PPM1L: variants seen among roughly 807,000 people sequenced by gnomAD.
PPM1L encodes protein phosphatase, Mg2+/Mn2+ dependent 1L, also known as protein phosphatase 1L.
In PPM1L, 13 loss-of-function variants were observed where a neutral mutation model predicts 31.4. The observed-to-expected ratio is 0.41, with a 90% CI of 0.27 to 0.66. The LOEUF is 0.66. Among genes scored for constraint, PPM1L ranks in the 30% least tolerant of loss-of-function variants. PPM1L has a pLI of 0.29. For missense variants in PPM1L, 326 were observed against 453.7 expected (o/e 0.72, Z 2.56); for synonymous variants, 184 against 175.4 (o/e 1.05, Z -0.39).
intron 1 of PPM1L, among the ~76,000 whole-genome samples, chr3:160,801,637 G>T (rs1712428930): frequency 6.6e-6 from 1 of 152,216 alleles, no homozygotes; most frequent in South Asian, 2.1e-4. Context: ...GCCTGTTTAT[G>T]CTGAGATAAC....
chr3:161,064,484 A>C (rs776434923), intron 2 of PPM1L, among the ~76,000 whole-genome samples: 1 of 152,224 alleles, frequency 6.6e-6, no homozygotes, highest in Non-Finnish European at 1.5e-5. Context: ...GGAAACGTTA[A>C]TGAAGACTAA....
At chr3:160,918,443 GA>G (rs1316600061) in intron 1 of PPM1L, among the ~76,000 whole-genome samples, 1 of 152,188 alleles carries the variant, frequency 6.6e-6, no homozygotes, top group Non-Finnish European at 1.5e-5. Context: ...AATCTGTTTG[GA>G]AATTTCTATT....
At chr3:160,885,287 A>G (rs1374585259) in intron 1 of PPM1L, among the ~76,000 whole-genome samples, 2 of 152,258 alleles carry the variant, frequency 1.3e-5, no homozygotes, top group African/African-American at 4.8e-5. Flanking sequence ...AAATAGATTT[A>G]TGTAAGCAAA....
chr3:160,888,971 T>C (rs1448447328), intron 1 of PPM1L, among the ~76,000 whole-genome samples: 2 of 152,038 alleles, frequency 1.3e-5, no homozygotes, highest in East Asian at 3.9e-4. Context: ...AAAGAGACAA[T>C]GTACCAAAAT....
chr3:160,989,360 T>TA (rs1336520524), intron 2 of PPM1L, among the ~76,000 whole-genome samples: 19 of 151,976 alleles, frequency 1.3e-4, no homozygotes, highest in Admixed American at 9.2e-4. Flanking sequence ...AGCACTTTTT[T>TA]AAAAAAATAA....
chr3:161,033,776 G>T (rs1576796072), intron 2 of PPM1L, among the ~76,000 whole-genome samples: 1 of 152,116 alleles, frequency 6.6e-6, no homozygotes, highest in Admixed American at 6.5e-5. Flanking sequence ...CAGGACATAG[G>T]CATGGGCAAA....
intron 1 of PPM1L, among the ~76,000 whole-genome samples, chr3:160,898,218 G>A (rs1199762234): frequency 6.6e-6 from 1 of 152,090 alleles, no homozygotes; most frequent in Admixed American, 6.6e-5. Flanking sequence ...TAAATGAAGG[G>A]TCATTCTGGA....
chr3:160,988,455 G>A (rs765495352), intron 2 of PPM1L, among the ~76,000 whole-genome samples: 10 of 152,114 alleles, frequency 6.6e-5, no homozygotes, highest in Non-Finnish European at 1.5e-4. Flanking sequence ...CTTTTGGTCT[G>A]TCAGCCCCAG....
chr3:160,874,845 A>C (rs375106184), intron 1 of PPM1L, among the ~76,000 whole-genome samples: 15 of 152,214 alleles, frequency 9.9e-5, no homozygotes, highest in Admixed American at 7.8e-4. Flanking sequence ...ATATAGAATT[A>C]GAGGGGTATG....
At chr3:160,841,054 A>G (rs1314501841) in intron 1 of PPM1L, among the ~76,000 whole-genome samples, 1 of 152,214 alleles carries the variant, frequency 6.6e-6, no homozygotes, top group Non-Finnish European at 1.5e-5. Context: ...TCATTACAAT[A>G]CATGAACCTG....
chr3:161,062,676 C>T (rs184152134), intron 2 of PPM1L, among the ~76,000 whole-genome samples: 396 of 152,256 alleles, frequency 2.6e-3, no homozygotes, highest in Admixed American at 5.1e-3. Flanking sequence ...TGCAAGAATG[C>T]CTCCTTCTCC....
rs757829795 is a variant in PPM1L at position 160,778,228 on chromosome 3, G to GT, written c.399+21530dup. Among the ~76,000 whole-genome samples, 294 of 151,058 alleles carry GT rather than the reference G, an allele frequency of 1.9e-3. 1 individual carries two copies. Among genetic ancestry groups the GT allele is most frequent in the African/African-American group, 6.5e-3 (266 of 41,224 alleles). Reference sequence around the variant, plus strand: ...AAGTTTTTTGCCTATTTTAAAATTAGTTTTTTTTTGTCATTGTTGAGTGGT... The same window carrying GT: ...AAGTTTTTTGCCTATTTTAAAATTAGTTTTTTTTTTGTCATTGTTGAGTGGT... On this transcript the variant is annotated intron_variant, in intron 1 of 3. Transcript: ENST00000498165.
chr3:160,999,444 C>T (rs1005442876), intron 2 of PPM1L, among the ~76,000 whole-genome samples: 4 of 152,170 alleles, frequency 2.6e-5, no homozygotes, highest in African/African-American at 7.2e-5. Context: ...AGATCCCCAC[C>T]TGGCCGCCAG....
rs577388526 is a variant in PPM1L, at chr3:160,866,057, G to A, written c.400-95679G>A. Among the ~76,000 whole-genome samples the A allele has an allele frequency of 9.2e-4, 140 of 152,284 alleles. 3 individuals are homozygous for A. In the South Asian group the frequency reaches 0.019, roughly 21 times the overall value. ...CCAAGTTGACAACTGACCTTACTCA[G>A]TAAGGCCTCTTAGGTTATCCTGGAC... On this transcript the variant is annotated intron_variant, in intron 1 of 3. Transcript: ENST00000498165.
At chr3:161,061,643 A>G (rs1244865643) in intron 2 of PPM1L, among the ~76,000 whole-genome samples, 1 of 152,248 alleles carries the variant, frequency 6.6e-6, no homozygotes, top group Non-Finnish European at 1.5e-5. Flanking sequence ...ATTATAGATT[A>G]TAAGTAATCT....
chr3:160,779,328 C>G lies in PPM1L; in HGVS notation c.399+22621C>G, dbSNP rs1005903955. On this transcript the variant is annotated intron_variant, in intron 1 of 3. Coordinates refer to ENST00000498165, the MANE Select transcript of PPM1L (RefSeq NM_139245.4). ...GTATGGGCATTTAAATCCTGTAGAT[C>G]TGGATTTGAATCAAGGCCCATCCAT... 3.3e-5 allele frequency among the ~76,000 whole-genome samples: 5 copies of G among 152,252 alleles called. No homozygotes were observed. The East Asian group carries it at 9.6e-4, about 29-fold the overall frequency.
chr3:160,955,654 CTTTT>C (rs34686234), intron 1 of PPM1L, among the ~76,000 whole-genome samples: 2 of 134,536 alleles, frequency 1.5e-5, no homozygotes, highest in Non-Finnish European at 3.2e-5. Flanking sequence ...AACAAGTTTT[CTTTT>C]TTTTTTTTTT....
intron 2 of PPM1L, among the ~76,000 whole-genome samples, chr3:160,975,694 G>A (rs142514382): frequency 0.37 from 56,777 of 151,978 alleles, 12,980 homozygotes; most frequent in Non-Finnish European, 0.52. Flanking sequence ...TAGTGTATAA[G>A]AATGCTTGTG....
chr3:160,886,902 A>C (rs1712936228), intron 1 of PPM1L, among the ~76,000 whole-genome samples: 1 of 152,074 alleles, frequency 6.6e-6, no homozygotes, highest in Admixed American at 6.5e-5. Flanking sequence ...TGGGTAATAA[A>C]AAACTACACT....
Sources: allele counts gnomAD v4.1 joint callset (sites outside exome capture counted in the v4.1 genomes callset), GRCh38; gene constraint gnomAD v4.1.1; transcripts MANE v1.5; gene names NCBI Gene and HGNC (gene_info 2026-07-23, HGNC 2026-07-21).